PCK1: variants seen among roughly 807,000 people sequenced by gnomAD.
PCK1 encodes the protein phosphoenolpyruvate carboxykinase 1, also known as phosphoenolpyruvate carboxykinase, cytosolic [GTP].
Under a neutral mutation model 50.3 loss-of-function variants are expected in PCK1, and 44 were observed. The ratio of observed to expected loss-of-function variants is 0.87; its 90% confidence interval spans 0.69 to 1.12. The LOEUF is 1.12. PCK1 is among the 50% of genes most tolerant of loss of function. The pLI is 0.00. For missense variants in PCK1, 790 were observed against 815.0 expected, an observed-to-expected ratio of 0.97 and a Z score of 0.37; for synonymous variants, 332 against 314.3, an observed-to-expected ratio of 1.06 and a Z score of -0.59.
Position 57,561,514 on chromosome 20 carries a change from G to T in PCK1, c.103G>T (p.Ala35Ser), listed in dbSNP as rs768856249. Residue 35 changes from alanine to serine, a missense_variant, in exon 2 of 10, where the codon GCT (alanine) becomes TCT (serine). Coordinates refer to ENST00000319441, the MANE Select transcript of PCK1 (RefSeq NM_002591.4). Reference sequence around the variant, plus strand: ...AGTGAGGGAGTTTCTCGAGAATAACGCTGAGCTGTGTCAGCCTGATCACAT... The same window carrying T: ...AGTGAGGGAGTTTCTCGAGAATAACTCTGAGCTGTGTCAGCCTGATCACAT... ...QAVREFLENN[A>S]ELCQPDHIHI... 1.2e-6 allele frequency: 2 copies of T among 1,613,704 alleles called. No homozygotes were observed. The highest frequency in any genetic ancestry group is 2.2e-5 in the South Asian group (2 of 91,074).
At chr20:57,565,233 A>T in intron 9 of PCK1, 98 bp downstream of exon 9, 1 of 901,442 alleles carries the variant, frequency 1.1e-6, no homozygotes, top group Non-Finnish European at 1.7e-6. Flanking sequence ...GTGTGTGGGG[A>T]GAGAGAGAGA....
In PCK1 at chr20:57,565,663, G is replaced by C; in HGVS notation, c.1728G>C (p.Glu576Asp). Reference protein sequence around the residue: ...LKGLGHINMMELFSISKEFWE... With the variant: ...LKGLGHINMMDLFSISKEFWE... ...GCCTGGGGCACATCAACATGATGGA[G>C]CTTTTCAGCATCTCCAAGGAATTCT... Residue 576 changes from glutamate to aspartate, a missense_variant, in exon 10 of 10, where the codon GAG (glutamate) becomes GAC (aspartate). Coordinates refer to ENST00000319441, the MANE Select transcript of PCK1 (RefSeq NM_002591.4). The C allele has an allele frequency of 6.2e-7, 1 of 1,614,108 alleles. No individual in the cohort carries two copies. Among genetic ancestry groups the C allele is most frequent in the Non-Finnish European group, 8.5e-7 (1 of 1,180,022 alleles).
Position 57,564,500 on chromosome 20 carries a change from C to G in PCK1, c.1205C>G (p.Pro402Arg). The change falls in exon 8 of 10, where the codon CCC becomes CGC. Residue 402 changes from proline to arginine, a missense_variant. By Grantham distance (103) the Pro-to-Arg change is moderately radical. Transcript: ENST00000319441. ...CTTATAGGGGAACCTTGTGCCCACCCCAACTCGAGGTTCTGCACCCCTGCC... is the reference window on the plus strand; with the variant it reads ...CTTATAGGGGAACCTTGTGCCCACCGCAACTCGAGGTTCTGCACCCCTGCC... ...SSEDGEPCAH[P>R]NSRFCTPASQ... is the part of the protein sequence containing the mutation. 6.2e-7 allele frequency: 1 copy of G among 1,614,210 alleles called. No individual in the cohort carries two copies. The highest frequency in any genetic ancestry group is 8.5e-7 in the Non-Finnish European group (1 of 1,180,028).
At chr20:57,565,191 T>C (rs527701802) in intron 9 of PCK1, 56 bp downstream of exon 9, 2 of 1,386,348 alleles carry the variant, frequency 1.4e-6, no homozygotes, top group African/African-American at 1.4e-5. Flanking sequence ...GCACTCTTCG[T>C]CACTCTTATG....
At chr20:57,563,259 G>A (rs756235410) in intron 5 of PCK1, 44 bp downstream of exon 5, 1 of 1,572,822 alleles carries the variant, frequency 6.4e-7, no homozygotes, top group South Asian at 1.1e-5. Context: ...GAGGCCTGGG[G>A]GGTGGCAGAA....
At chr20:57,562,291 G>A in intron 3 of PCK1, 39 bp downstream of exon 3, 1 of 1,549,284 alleles carries the variant, frequency 6.5e-7, no homozygotes, top group Non-Finnish European at 8.9e-7. Context: ...AAACAGCAGA[G>A]AGCCTTTTCT....
At position 57,562,091 on chromosome 20, in the gene PCK1, C is replaced by T; in HGVS notation, c.245C>T (p.Pro82Leu). ...YDNCWLALTD[P>L]RDVARIESKT... ...TGCAGCTGGTTGGCTCTCACTGACC[C>T]CAGGGATGTGGCCAGGATCGAAAGC... is the stretch of plus-strand genomic sequence containing the variant. The change falls in exon 3 of 10, where the codon CCC (proline) becomes CTC (leucine). Residue 82 changes from proline to leucine, a missense_variant. Transcript: ENST00000319441. 1 of 1,614,142 alleles carries T rather than the reference C, an allele frequency of 6.2e-7. No individual in the cohort carries two copies. Among genetic ancestry groups the T allele is most frequent in the Non-Finnish European group, 8.5e-7 (1 of 1,180,010 alleles).
chr20:57,565,657 G>A lies in PCK1; in HGVS notation c.1722G>A (p.Met574Ile). The A allele has an allele frequency of 6.2e-7, 1 of 1,614,130 alleles. No homozygotes were observed. The highest frequency in any genetic ancestry group is 1.1e-5 in the South Asian group (1 of 91,086). Residue 574 changes from methionine to isoleucine, a missense_variant, in exon 10 of 10, where the codon ATG (methionine) becomes ATA (isoleucine). Physicochemically the swap from Met to Ile is conservative, Grantham distance 10. Transcript: ENST00000319441. ...LNLKGLGHIN[M>I]MELFSISKEF... ...TGAAAGGCCTGGGGCACATCAACATGATGGAGCTTTTCAGCATCTCCAAGG... is the reference window on the plus strand; with the variant it reads ...TGAAAGGCCTGGGGCACATCAACATAATGGAGCTTTTCAGCATCTCCAAGG...
intron 6 of PCK1, 76 bp downstream of exon 6, chr20:57,563,803 T>G: frequency 1.6e-6 from 2 of 1,213,396 alleles, no homozygotes; most frequent in South Asian, 2.8e-5. Context: ...TGTCACATTC[T>G]CCTCAGTCCA....
intron 3 of PCK1, 157 bp downstream of exon 3, chr20:57,562,409 C>T (rs28359539): frequency 3.0e-6 from 2 of 675,384 alleles, no homozygotes; most frequent in South Asian, 1.9e-5. Context: ...AAATGCACAT[C>T]CCTCTTCTGC....
chr20:57,561,560 A>T lies in PCK1; in HGVS notation c.149A>T (p.Glu50Val). Residue 50 changes from glutamate (E) to valine (V), a missense_variant, in exon 2 of 10, where the codon GAG (glutamate) becomes GTG (valine). Physicochemically the swap from Glu to Val is moderately radical, Grantham distance 121. Coordinates refer to ENST00000319441, the MANE Select transcript of PCK1 (RefSeq NM_002591.4). ...CACATCCACATCTGTGACGGCTCTG[A>T]GGAGGAGAATGGGCGGCTTCTGGGC... The part of the protein sequence containing the change: ...PDHIHICDGS[E>V]EENGRLLGQM... 6.2e-7 allele frequency: 1 copy of T among 1,613,982 alleles called. No homozygotes were observed.
At position 57,561,177 on chromosome 20, in the gene PCK1, C is replaced by T. The variant is rs957662085; in HGVS notation, c.-67C>T. 2 of 405,638 alleles carry T rather than the reference C, an allele frequency of 4.9e-6. No homozygotes were observed. The highest frequency in any genetic ancestry group is 9.0e-6 in the Non-Finnish European group (2 of 222,762). 25.1% of individuals were successfully genotyped at this position (405,638 alleles called of 1,614,324 possible). A position where few individuals can be genotyped will look rare whatever the true frequency, so the allele number is the denominator to read the frequency against. The stretch of plus-strand genomic sequence containing the variant: ...CCCGGAAAGAAACCTGTGGATCTCC[C>T]TTCGAGATCATCCAAAGAGAAGAAA... On this transcript the variant is annotated 5_prime_UTR_variant, in exon 1 of 10. Coordinates refer to ENST00000319441, the MANE Select transcript of PCK1 (RefSeq NM_002591.4).
At position 57,562,074 on chromosome 20, in the gene PCK1, G is replaced by A. The variant is rs139008325; in HGVS notation, c.228G>A (p.Trp76Ter). 4 of 1,612,874 alleles carry A rather than the reference G, an allele frequency of 2.5e-6. No homozygotes were observed. In the Admixed American group the frequency reaches 6.7e-5, roughly 27 times the overall value. Residue 76 changes from tryptophan (W) to a stop codon, truncating the protein, a stop_gained, in exon 3 of 10, where the codon TGG (tryptophan) becomes TGA (stop). Transcript: ENST00000319441. LOFTEE classifies it high-confidence loss of function. ...LRRLKKYDNC[W>*]LALTDPRDVA... ...AGGAAGCCTGTGATTTTTGCAGCTG[G>A]TTGGCTCTCACTGACCCCAGGGATG...
rs373406753 is a variant in PCK1, at chr20:57,562,670, C to A, written c.407-26C>A. The stretch of plus-strand genomic sequence containing the variant: ...TTCGAAGTCCAAGGTCATTTCTCAC[C>A]AGTGCCCACCCATCGCACCCTGTAG... On this transcript the variant is annotated intron_variant, in intron 3 of 9. Coordinates refer to ENST00000319441, the MANE Select transcript of PCK1 (RefSeq NM_002591.4). The A allele has an allele frequency of 3.1e-6, 5 of 1,595,996 alleles. 1 individual carries two copies. Among genetic ancestry groups the A allele is most frequent in the South Asian group, 2.2e-5 (2 of 90,332 alleles).
chr20:57,565,912 A>G lies in PCK1; in HGVS notation c.*108A>G. On this transcript the variant is annotated 3_prime_UTR_variant, in exon 10 of 10. Transcript: ENST00000319441. ...CCAAATTGACGCCACCATAATAATC[A>G]TCACCACACCGTGAGCAGATCTGAA... 1.3e-6 allele frequency: 1 copy of G among 777,372 alleles called. No individual in the cohort carries two copies. Among genetic ancestry groups the G allele is most frequent in the Non-Finnish European group, 2.0e-6 (1 of 493,710 alleles). 48.2% of individuals were successfully genotyped at this position (777,372 alleles called of 1,614,324 possible).
chr20:57,563,096 G>C lies in PCK1; in HGVS notation c.679G>C (p.Glu227Gln). The stretch of plus-strand genomic sequence containing the variant: ...CATCGCCCACCTGCCTGACCGCAGA[G>C]AGATCATCTCCTTTGGCAGTGGGTA... Reference protein sequence around the residue: ...TLIAHLPDRREIISFGSGYGG... With the variant: ...TLIAHLPDRRQIISFGSGYGG... The change falls in exon 5 of 10, where the codon GAG becomes CAG. Residue 227 changes from glutamate to glutamine, a missense_variant. Physicochemically the swap from Glu to Gln is conservative, Grantham distance 29 (BLOSUM62 2). Coordinates refer to ENST00000319441, the MANE Select transcript of PCK1 (RefSeq NM_002591.4). 7.4e-6 allele frequency: 12 copies of C among 1,614,144 alleles called. No individual in the cohort carries two copies. The highest frequency in any genetic ancestry group is 9.3e-6 in the Non-Finnish European group (11 of 1,180,024).
chr20:57,561,225 C>T (rs2070137324), intron 1 of PCK1, 22 bp downstream of exon 1: 2 of 538,418 alleles, frequency 3.7e-6, no homozygotes, highest in Non-Finnish European at 3.3e-6. Context: ...TTTGCATTTA[C>T]ATTTTGAAAA....
rs773173117 is a variant in PCK1 at position 57,564,168 on chromosome 20, G to C, written c.962-1G>C. 3.1e-5 allele frequency: 50 copies of C among 1,608,396 alleles called. No homozygotes were observed. Among genetic ancestry groups the C allele is most frequent in the Non-Finnish European group, 4.1e-5 (48 of 1,175,324 alleles). On this transcript the variant is annotated splice_acceptor_variant, in intron 6 of 9. Transcript: ENST00000319441. LOFTEE classifies it high-confidence loss of function. ...TGCTTCTCTGGTTTAAAACTCTCCA[G>C]GTCATTTAAGGGCCATCAACCCAGA...
In PCK1 at chr20:57,564,471, C is replaced by A; in HGVS notation, c.1187-11C>A. ...GAGCCAGGCACTCACGAGCCTTTCT[C>A]TGTCTTATAGGGGAACCTTGTGCCC... On this transcript the variant is annotated splice_polypyrimidine_tract_variant and intron_variant, in intron 7 of 9. Coordinates refer to ENST00000319441, the MANE Select transcript of PCK1 (RefSeq NM_002591.4). 6.2e-7 allele frequency: 1 copy of A among 1,614,208 alleles called. No individual in the cohort carries two copies. The highest frequency in any genetic ancestry group is 1.3e-5 in the African/African-American group (1 of 75,060).
Sources: gnomAD v4.1 joint callset for allele counts on GRCh38, gnomAD v4.1.1 for gene constraint, MANE v1.5 for transcripts, NCBI Gene and HGNC (gene_info 2026-07-23, HGNC 2026-07-21) for gene names.